The following USP12 variants were observed in gnomAD, a reference collection of about 807,000 sequenced individuals.
USP12 encodes the protein ubiquitin carboxyl-terminal hydrolase 12.
Under a neutral mutation model 45.5 loss-of-function variants are expected in USP12, and 19 were observed. The ratio of observed to expected loss-of-function variants is 0.42; its 90% confidence interval spans 0.29 to 0.61. The LOEUF (loss-of-function observed/expected upper bound fraction) is 0.61, where lower values mean the gene tolerates loss of function less well. Ranked by LOEUF, USP12 falls within the 20% of genes least tolerant of loss-of-function variation. USP12 has a pLI of 0.22. For missense variants in USP12, 242 were observed against 447.7 expected, an observed-to-expected ratio of 0.54 and a Z score of 4.15; for synonymous variants, 149 against 148.8, an observed-to-expected ratio of 1.00 and a Z score of -0.01.
At chr13:27,100,392 G>A (rs1398779328) in intron 3 of USP12, among the ~76,000 whole-genome samples, 3 of 151,846 alleles carry the variant, frequency 2.0e-5, no homozygotes, top group Non-Finnish European at 4.4e-5. Context: ...AAACTCCCTC[G>A]CCTTATCAAC....
chr13:27,079,459 G>C (rs1449249467), intron 6 of USP12, among the ~76,000 whole-genome samples: 1 of 152,156 alleles, frequency 6.6e-6, no homozygotes, highest in Non-Finnish European at 1.5e-5. Context: ...GCCCAAGGGG[G>C]AGTCCTTCCC....
intron 1 of USP12, among the ~76,000 whole-genome samples, chr13:27,121,705 C>T (rs564736904): frequency 6.6e-6 from 1 of 151,766 alleles, no homozygotes; most frequent in East Asian, 1.9e-4. Flanking sequence ...ACTAAAAATA[C>T]AAAAAATTAG....
At chr13:27,143,436 G>A (rs902860214) in intron 1 of USP12, among the ~76,000 whole-genome samples, 2 of 152,032 alleles carry the variant, frequency 1.3e-5, no homozygotes, top group Non-Finnish European at 2.9e-5. Context: ...CTTTACAGAG[G>A]AATGCCTACT....
At chr13:27,107,338 C>CA (rs930883790) in intron 2 of USP12, among the ~76,000 whole-genome samples, 75 of 150,930 alleles carry the variant, frequency 5.0e-4, no homozygotes, top group African/African-American at 1.7e-3. Flanking sequence ...AACAAACAAA[C>CA]AAAAAAAACA....
intron 1 of USP12, 97 bp downstream of exon 1, chr13:27,171,495 T>C (rs1878614844): frequency 2.2e-5 from 2 of 89,556 alleles, no homozygotes; most frequent in Non-Finnish European, 4.2e-5. Flanking sequence ...GCCCCGGCGC[T>C]AGGCCCCGCG....
At chr13:27,114,699 C>T (rs1875627583) in intron 2 of USP12, among the ~76,000 whole-genome samples, 1 of 151,504 alleles carries the variant, frequency 6.6e-6, no homozygotes, top group Non-Finnish European at 1.5e-5. Flanking sequence ...GTCATTAAAG[C>T]ACTAAGAGCA....
chr13:27,092,044 A>G (rs1874340768), intron 4 of USP12, among the ~76,000 whole-genome samples: 2 of 152,162 alleles, frequency 1.3e-5, no homozygotes, highest in Non-Finnish European at 2.9e-5. Flanking sequence ...CTTCATTACC[A>G]TAGGAGTATC....
chr13:27,071,174 AT>A (rs1873232186), intron 7 of USP12, 25 bp from the exon 8 acceptor site: 1 of 1,560,242 alleles, frequency 6.4e-7, no homozygotes, highest in African/African-American at 1.4e-5. Flanking sequence ...GAAGAAGTTA[AT>A]TCAATATATT....
Position 27,084,181 on chromosome 13 carries a change from C to T in USP12, c.734+5702G>A, listed in dbSNP as rs1462966250. 8.4e-5 allele frequency among the ~76,000 whole-genome samples: 7 copies of T among 83,242 alleles called. No individual in the cohort carries two copies. The Admixed American group carries it at 1.0e-3, about 12-fold the overall frequency. The allele number at this position is 83,242 out of a possible 152,430, so 54.6% of individuals were successfully genotyped here. On this transcript the variant is annotated intron_variant, in intron 6 of 8. Transcript: ENST00000282344. ...ATCCATGTTTGCATACACACACACA[C>T]ACACACACACACACACACACACACA...
At chr13:27,166,223 C>T (rs1281605889) in intron 1 of USP12, among the ~76,000 whole-genome samples, 2 of 152,092 alleles carry the variant, frequency 1.3e-5, no homozygotes, top group East Asian at 3.9e-4. Flanking sequence ...TAACAAAATA[C>T]CATATTAAGT....
intron 1 of USP12, among the ~76,000 whole-genome samples, chr13:27,140,194 T>C (rs550319688): frequency 4.6e-5 from 7 of 152,296 alleles, no homozygotes; most frequent in African/African-American, 1.7e-4. Context: ...ATAAAACTCA[T>C]GCAATGTCCC....
intron 6 of USP12, among the ~76,000 whole-genome samples, chr13:27,086,393 T>C (rs1874049565): frequency 6.6e-6 from 1 of 151,636 alleles, no homozygotes; most frequent in East Asian, 1.9e-4. Flanking sequence ...TTCGAACTTG[T>C]ACATAAAGTT....
chr13:27,137,709 T>C (rs182042743), intron 1 of USP12, among the ~76,000 whole-genome samples: 11 of 152,326 alleles, frequency 7.2e-5, no homozygotes, highest in East Asian at 3.9e-4. Context: ...CTTTGTATAA[T>C]TGCCTCCCCT....
chr13:27,165,072 T>C (rs1223834329), intron 1 of USP12, among the ~76,000 whole-genome samples: 2 of 151,310 alleles, frequency 1.3e-5, no homozygotes, highest in African/African-American at 4.9e-5. Context: ...TTTTTTTTAG[T>C]ATAAAATAAG....
At chr13:27,080,159 G>A (rs1041265931) in intron 6 of USP12, among the ~76,000 whole-genome samples, 24 of 152,182 alleles carry the variant, frequency 1.6e-4, no homozygotes, top group African/African-American at 5.6e-4. Flanking sequence ...TGCAGGCAGG[G>A]AGGCAGGAGG....
chr13:27,079,297 G>A (rs1274318823), intron 6 of USP12, among the ~76,000 whole-genome samples: 1 of 152,086 alleles, frequency 6.6e-6, no homozygotes, highest in Non-Finnish European at 1.5e-5. Context: ...AGTGGCTTCA[G>A]CTCAGTGTCA....
intron 1 of USP12, among the ~76,000 whole-genome samples, chr13:27,167,796 C>T (rs1019263962): frequency 6.6e-6 from 1 of 152,108 alleles, no homozygotes; most frequent in African/African-American, 2.4e-5. Context: ...GACTTTCACA[C>T]ACACACATTC....
intron 4 of USP12, among the ~76,000 whole-genome samples, chr13:27,092,252 A>T (rs751881952): frequency 2.6e-5 from 4 of 152,242 alleles, no homozygotes; most frequent in Non-Finnish European, 4.4e-5. Flanking sequence ...GCATGTACTT[A>T]GATAAGAAGA....
chr13:27,071,969 T>C (rs1474805935), intron 7 of USP12, among the ~76,000 whole-genome samples: 1 of 152,192 alleles, frequency 6.6e-6, no homozygotes, highest in African/African-American at 2.4e-5. Context: ...AATTATTCTT[T>C]ATGGTGAACA....
Sources: gnomAD v4.1 joint callset for allele counts (sites outside exome capture counted in the v4.1 genomes callset) on GRCh38, gnomAD v4.1.1 for gene constraint, MANE v1.5 for transcripts, NCBI Gene and HGNC (gene_info 2026-07-23, HGNC 2026-07-21) for gene names.